RIT2: variants seen among roughly 807,000 people sequenced by gnomAD.
RIT2 encodes Ras like without CAAX 2, also known as GTP-binding protein Rit2.
RIT2 carries 24 observed loss-of-function variants against 23.7 expected under a neutral mutation model. The observed-to-expected ratio is 1.01, with a 90% CI of 0.73 to 1.43. The LOEUF (loss-of-function observed/expected upper bound fraction) is 1.43, where lower values mean the gene tolerates loss of function less well. Ranked by LOEUF, RIT2 falls within the 40% of genes most tolerant of loss-of-function variation. The pLI is 0.00. For synonymous variants in RIT2, 107 were observed against 91.1 expected, an observed-to-expected ratio of 1.17 and a Z score of -0.99; for missense variants, 236 against 266.9, an observed-to-expected ratio of 0.88 and a Z score of 0.81.
At chr18:42,814,942 T>C (rs1370462258) in intron 4 of RIT2, among the ~76,000 whole-genome samples, 1 of 152,082 alleles carries the variant, frequency 6.6e-6, no homozygotes, top group East Asian at 1.9e-4. Flanking sequence ...ATGGCTCAGC[T>C]CTCAGGAAGT....
intron 2 of RIT2, among the ~76,000 whole-genome samples, chr18:43,007,490 G>C (rs1036406720): frequency 4.0e-5 from 6 of 151,658 alleles, no homozygotes; most frequent in Admixed American, 2.0e-4. Context: ...AGACAAACCA[G>C]AGGTTTTTGA....
intron 1 of RIT2, among the ~76,000 whole-genome samples, chr18:43,058,643 T>A (rs924431680): frequency 5.9e-5 from 9 of 152,066 alleles, no homozygotes; most frequent in African/African-American, 2.2e-4. Flanking sequence ...TTCCAGCACT[T>A]TGGGAGGCCA....
At chr18:43,077,981 A>T (rs1364080175) in intron 1 of RIT2, among the ~76,000 whole-genome samples, 1 of 152,212 alleles carries the variant, frequency 6.6e-6, no homozygotes, top group Non-Finnish European at 1.5e-5. Flanking sequence ...CAAATTTAGC[A>T]AAACATTAAT....
rs1912771791 is a variant in RIT2, at chr18:43,066,423, A to G, written c.104-32556T>C. Among the ~76,000 whole-genome samples the G allele has an allele frequency of 5.3e-5, 8 of 152,316 alleles. No individual in the cohort carries two copies. The South Asian group carries it at 1.4e-3, about 28-fold the overall frequency. On this transcript the variant is annotated intron_variant, in intron 1 of 4. Coordinates refer to ENST00000326695, the MANE Select transcript of RIT2 (RefSeq NM_002930.4). ...TTGCACACCATTAAAATTTAAAAGC[A>G]CAATCAAATTGGTACTTACAGAATA...
At chr18:42,766,922 C>T (rs1017801692) in intron 4 of RIT2, among the ~76,000 whole-genome samples, 6 of 152,146 alleles carry the variant, frequency 3.9e-5, no homozygotes, top group Non-Finnish European at 7.3e-5. Flanking sequence ...TGGTGTTGTA[C>T]CTGTAGGTGC....
intron 1 of RIT2, among the ~76,000 whole-genome samples, chr18:43,085,771 C>G (rs1241880622): frequency 6.6e-6 from 1 of 152,174 alleles, no homozygotes; most frequent in East Asian, 1.9e-4. Flanking sequence ...TGAATTGTAG[C>G]TCCCATAATT....
At chr18:42,920,540 T>A (rs1021011719) in intron 4 of RIT2, among the ~76,000 whole-genome samples, 1 of 152,204 alleles carries the variant, frequency 6.6e-6, no homozygotes, top group Non-Finnish European at 1.5e-5. Context: ...AATACTATCC[T>A]TTGAATCCTT....
chr18:43,046,241 A>G (rs186762353), intron 1 of RIT2, among the ~76,000 whole-genome samples: 1 of 152,170 alleles, frequency 6.6e-6, no homozygotes, highest in East Asian at 1.9e-4. Context: ...TTCAAATGAA[A>G]AAAGATGTGG....
intron 4 of RIT2, among the ~76,000 whole-genome samples, chr18:42,804,753 G>A (rs1036463688): frequency 1.3e-5 from 2 of 151,984 alleles, no homozygotes; most frequent in African/African-American, 4.8e-5. Flanking sequence ...ACTCACTTGA[G>A]GGTCTTTACC....
chr18:43,053,938 G>C (rs1246871301), intron 1 of RIT2, among the ~76,000 whole-genome samples: 1 of 151,970 alleles, frequency 6.6e-6, no homozygotes, highest in Admixed American at 6.6e-5. Context: ...CTACAATAGA[G>C]TCATACAAAT....
intron 2 of RIT2, among the ~76,000 whole-genome samples, chr18:42,981,807 TA>T (rs2144214573): frequency 6.6e-6 from 1 of 152,138 alleles, no homozygotes; most frequent in Admixed American, 6.5e-5. Context: ...TTTGCAAACA[TA>T]AACACTCAGG....
intron 4 of RIT2, among the ~76,000 whole-genome samples, chr18:42,803,449 G>T (rs1200241997): frequency 6.6e-6 from 1 of 152,142 alleles, no homozygotes. Flanking sequence ...GTGAGTGTTT[G>T]ATCTGATATT....
At chr18:43,007,770 C>T (rs900821039) in intron 2 of RIT2, among the ~76,000 whole-genome samples, 1 of 151,638 alleles carries the variant, frequency 6.6e-6, no homozygotes, top group Non-Finnish European at 1.5e-5. Context: ...AGAGAATCAT[C>T]TCATTATTTT....
At chr18:43,105,677 A>G (rs2144245547) in intron 1 of RIT2, among the ~76,000 whole-genome samples, 1 of 152,350 alleles carries the variant, frequency 6.6e-6, no homozygotes, top group Admixed American at 6.5e-5. Flanking sequence ...TGACCTGTGC[A>G]ACGTCAAGTG....
At chr18:42,864,131 C>G (rs978565069) in intron 4 of RIT2, among the ~76,000 whole-genome samples, 2 of 151,978 alleles carry the variant, frequency 1.3e-5, no homozygotes, top group African/African-American at 4.8e-5. Flanking sequence ...CAGGATGTAA[C>G]ACTTTCCTAT....
intron 1 of RIT2, among the ~76,000 whole-genome samples, chr18:43,071,948 A>G (rs1912907551): frequency 6.6e-6 from 1 of 151,640 alleles, no homozygotes. Context: ...TTTTCAGAAA[A>G]TTCATTTATG....
chr18:42,929,574 A>G (rs1312760135), intron 3 of RIT2, among the ~76,000 whole-genome samples: 1 of 152,168 alleles, frequency 6.6e-6, no homozygotes, highest in African/African-American at 2.4e-5. Context: ...ACTCTTAACT[A>G]AATACAATTT....
chr18:43,037,458 C>T (rs1388374134), intron 1 of RIT2, among the ~76,000 whole-genome samples: 1 of 152,052 alleles, frequency 6.6e-6, no homozygotes, highest in Non-Finnish European at 1.5e-5. Context: ...AATCGTAAAT[C>T]ACTGTGTTTC....
intron 2 of RIT2, among the ~76,000 whole-genome samples, chr18:43,025,940 A>T (rs1911706649): frequency 6.6e-6 from 1 of 152,136 alleles, no homozygotes; most frequent in Admixed American, 6.6e-5. Flanking sequence ...TATACAATAT[A>T]TCCATGAAAC....
Sources: gnomAD v4.1 joint callset for allele counts (sites outside exome capture counted in the v4.1 genomes callset) on GRCh38, gnomAD v4.1.1 for gene constraint, MANE v1.5 for transcripts, NCBI Gene and HGNC (gene_info 2026-07-23, HGNC 2026-07-21) for gene names.